LRRC7: variants seen among roughly 807,000 people sequenced by gnomAD.
LRRC7 encodes leucine rich repeat containing 7, also known as leucine-rich repeat-containing protein 7.
Under a neutral mutation model 175.7 loss-of-function variants are expected in LRRC7, and 23 were observed. That is an observed-to-expected ratio of 0.13 (90% CI 0.09 to 0.19). The LOEUF (loss-of-function observed/expected upper bound fraction) is 0.19. LRRC7 is among the 10% of genes least tolerant of loss of function. The probability of loss-of-function intolerance (pLI) is 1.00; values close to 1 mark genes in which losing one functional copy is unlikely to be tolerated. For missense variants in LRRC7, 1,354 were observed against 1,904.7 expected (o/e 0.71, Z 5.38); for synonymous variants, 685 against 680.9 (o/e 1.01, Z -0.09).
chr1:69,994,127 C>T (rs77287266), intron 10 of LRRC7, among the ~76,000 whole-genome samples: 6 of 152,212 alleles, frequency 3.9e-5, no homozygotes, highest in Admixed American at 1.3e-4. Context: ...TATTCATTTT[C>T]GTTGATCATT....
At chr1:69,981,632 C>G (rs1410046565) in intron 9 of LRRC7, among the ~76,000 whole-genome samples, 1 of 152,130 alleles carries the variant, frequency 6.6e-6, no homozygotes, top group Non-Finnish European at 1.5e-5. Flanking sequence ...GCAGGATAAA[C>G]AGATCTGGAT....
At chr1:69,628,076 C>T (rs985663563) in intron 1 of LRRC7, among the ~76,000 whole-genome samples, 7 of 151,952 alleles carry the variant, frequency 4.6e-5, no homozygotes, top group African/African-American at 1.4e-4. Context: ...TTTCCCAGAA[C>T]GAGGCAAAAA....
intron 23 of LRRC7, among the ~76,000 whole-genome samples, chr1:70,071,700 T>C (rs1662402013): frequency 6.6e-6 from 1 of 152,368 alleles, no homozygotes; most frequent in East Asian, 1.9e-4. Flanking sequence ...GAATGAATTG[T>C]GTTCTTTTGA....
intron 7 of LRRC7, among the ~76,000 whole-genome samples, chr1:69,914,205 G>T (rs1351816738): frequency 6.6e-6 from 1 of 152,164 alleles, no homozygotes; most frequent in African/African-American, 2.4e-5. Flanking sequence ...AGAATCCTGA[G>T]TCAGCAAATC....
At chr1:69,811,555 T>C (rs1358462005) in intron 4 of LRRC7, among the ~76,000 whole-genome samples, 1 of 151,856 alleles carries the variant, frequency 6.6e-6, no homozygotes, top group Non-Finnish European at 1.5e-5. Context: ...ATAAAGAAAA[T>C]GTGGACCATA....
At chr1:69,610,552 A>G (rs1247965618) in intron 1 of LRRC7, among the ~76,000 whole-genome samples, 1 of 151,950 alleles carries the variant, frequency 6.6e-6, no homozygotes, top group Non-Finnish European at 1.5e-5. Context: ...ATTGGCCTTT[A>G]TAGTGTCTTT....
At chr1:69,577,671 T>G (rs1292899525) in intron 1 of LRRC7, among the ~76,000 whole-genome samples, 2 of 152,180 alleles carry the variant, frequency 1.3e-5, no homozygotes, top group Non-Finnish European at 2.9e-5. Context: ...CTCAGGTTTG[T>G]CAAAGATCAG....
At chr1:69,700,567 C>A (rs574753671) in intron 2 of LRRC7, among the ~76,000 whole-genome samples, 1 of 152,266 alleles carries the variant, frequency 6.6e-6, no homozygotes, top group South Asian at 2.1e-4. Flanking sequence ...TTTCCATCTA[C>A]TGTGAGGCTG....
chr1:70,064,688 G>A (rs2102095070), intron 23 of LRRC7, among the ~76,000 whole-genome samples: 1 of 151,666 alleles, frequency 6.6e-6, no homozygotes, highest in East Asian at 1.9e-4. Flanking sequence ...TCAAAAGAGA[G>A]AAACTCATGC....
intron 1 of LRRC7, among the ~76,000 whole-genome samples, chr1:69,646,591 G>T (rs1050748133): frequency 3.3e-5 from 5 of 152,112 alleles, no homozygotes; most frequent in African/African-American, 9.7e-5. Flanking sequence ...CATGTGCTAT[G>T]CTGTCACAAA....
intron 1 of LRRC7, chr1:69,607,933 G>A (rs1399506921): frequency 6.6e-6 from 1 of 152,224 alleles, no homozygotes; most frequent in Non-Finnish European, 1.5e-5. Flanking sequence ...GAACCTTGGA[G>A]TTGTCATTAC....
intron 7 of LRRC7, among the ~76,000 whole-genome samples, chr1:69,842,573 C>G (rs903955922): frequency 2.0e-5 from 3 of 152,072 alleles, no homozygotes; most frequent in African/African-American, 7.2e-5. Flanking sequence ...TATATTCCAA[C>G]AGAATTACTG....
chr1:70,094,373 G>GA (rs147695505), intron 25 of LRRC7, among the ~76,000 whole-genome samples: 2,737 of 152,062 alleles, frequency 0.018, 46 homozygotes, highest in African/African-American at 0.044. Context: ...AGAAATGATA[G>GA]AAAAAAACAA....
intron 4 of LRRC7, among the ~76,000 whole-genome samples, chr1:69,794,910 T>G (rs1481754967): frequency 6.6e-6 from 1 of 152,224 alleles, no homozygotes; most frequent in Non-Finnish European, 1.5e-5. Flanking sequence ...TAGCTATGCT[T>G]ATGATTCTGT....
intron 2 of LRRC7, among the ~76,000 whole-genome samples, chr1:69,688,098 A>C (rs1440024997): frequency 6.6e-6 from 1 of 152,242 alleles, no homozygotes; most frequent in Non-Finnish European, 1.5e-5. Flanking sequence ...AGAACTGAGA[A>C]GTCTGACAAA....
At chr1:69,893,226 T>C (rs1243921515) in intron 7 of LRRC7, among the ~76,000 whole-genome samples, 1 of 149,986 alleles carries the variant, frequency 6.7e-6, no homozygotes, top group Non-Finnish European at 1.5e-5. Flanking sequence ...CTCAATGTCT[T>C]TAGCTATCAA....
chr1:69,896,365 T>C (rs11209578), intron 7 of LRRC7, among the ~76,000 whole-genome samples: 84,364 of 151,944 alleles, frequency 0.56, 23,497 homozygotes, highest in East Asian at 0.7. Flanking sequence ...ATTATACTCA[T>C]CCTCCTGATC....
At chr1:69,888,186 C>T (rs1645710239) in intron 7 of LRRC7, among the ~76,000 whole-genome samples, 1 of 151,726 alleles carries the variant, frequency 6.6e-6, no homozygotes, top group South Asian at 2.1e-4. Flanking sequence ...CCTAAGCAAG[C>T]CTGGGCAATG....
intron 10 of LRRC7, among the ~76,000 whole-genome samples, chr1:69,992,404 A>C (rs1216610811): frequency 6.6e-6 from 1 of 152,032 alleles, no homozygotes; most frequent in Non-Finnish European, 1.5e-5. Flanking sequence ...AGACTTGGAG[A>C]AGGGCACAAG....
Sources: gnomAD v4.1 joint callset for allele counts (sites outside exome capture counted in the v4.1 genomes callset) on GRCh38, gnomAD v4.1.1 for gene constraint, MANE v1.5 for transcripts, NCBI Gene and HGNC (gene_info 2026-07-23, HGNC 2026-07-21) for gene names.